Variants in TMEM131 observed in about 807,000 individuals in gnomAD.
TMEM131 encodes the protein transmembrane protein 131.
In TMEM131, 66 loss-of-function variants were observed where a neutral mutation model predicts 211.6. That is an observed-to-expected ratio of 0.31 (90% CI 0.26 to 0.38). The LOEUF is 0.38. TMEM131 is among the 10% of genes least tolerant of loss of function. The pLI, the probability that TMEM131 is intolerant of heterozygous loss-of-function variation, is 1.00. For synonymous variants in TMEM131, 844 were observed against 841.3 expected, an observed-to-expected ratio of 1.00 and a Z score of -0.06; for missense variants, 2,036 against 2,299.3, an observed-to-expected ratio of 0.89 and a Z score of 2.34.
intron 11 of TMEM131, among the ~76,000 whole-genome samples, chr2:97,831,107 A>G (rs1198064662): frequency 6.6e-6 from 1 of 152,238 alleles, no homozygotes; most frequent in Non-Finnish European, 1.5e-5. Flanking sequence ...CTAAGCCACC[A>G]TCATTTCTCA....
intron 31 of TMEM131, among the ~76,000 whole-genome samples, chr2:97,784,049 G>A (rs1451933603): frequency 6.6e-6 from 1 of 151,618 alleles, no homozygotes; most frequent in African/African-American, 2.4e-5. Flanking sequence ...AGAAGTTACA[G>A]CAATGTTAAA....
rs553994582 is a variant in TMEM131 at position 97,824,360 on chromosome 2, T to C, written c.1075-5639A>G. Among the ~76,000 whole-genome samples, 4 of 152,298 alleles carry C rather than the reference T, an allele frequency of 2.6e-5. No homozygotes were observed. The South Asian group carries it at 8.3e-4, about 32-fold the overall frequency. ...ACCATTGAAGGCCAGGAAATTGACT[T>C]CCACCTGGACACTGGTGCAGCCTTC... is the stretch of plus-strand genomic sequence containing the variant. On this transcript the variant is annotated intron_variant, in intron 11 of 40. Coordinates refer to ENST00000186436, the MANE Select transcript of TMEM131 (RefSeq NM_015348.2).
At chr2:97,789,711 G>A (rs1418698215) in intron 31 of TMEM131, among the ~76,000 whole-genome samples, 1 of 152,220 alleles carries the variant, frequency 6.6e-6, no homozygotes, top group Non-Finnish European at 1.5e-5. Flanking sequence ...AACTGTGCCA[G>A]GCTCACGGCT....
At chr2:97,926,243 C>T (rs1249156722) in intron 2 of TMEM131, among the ~76,000 whole-genome samples, 1 of 152,136 alleles carries the variant, frequency 6.6e-6, no homozygotes, top group Non-Finnish European at 1.5e-5. Flanking sequence ...TTGACACTCT[C>T]CCTGCTTTAG....
intron 15 of TMEM131, among the ~76,000 whole-genome samples, chr2:97,813,392 A>G (rs1001668271): frequency 2.0e-5 from 3 of 152,082 alleles, no homozygotes; most frequent in African/African-American, 7.2e-5. Flanking sequence ...CTTTCCTAAC[A>G]GTTTTCTCTC....
In TMEM131 at chr2:97,895,601, G is replaced by GTGTA. The variant is rs1314273320; in HGVS notation, c.291-7485_291-7482dup. 6.6e-5 allele frequency among the ~76,000 whole-genome samples: 10 copies of GTGTA among 152,230 alleles called. 1 individual carries two copies. The highest frequency in any genetic ancestry group is 3.4e-3 in the Middle Eastern group (1 of 294). On this transcript the variant is annotated intron_variant, in intron 3 of 40. Transcript: ENST00000186436. ...TCCTTCCTGATTTAGACTTAGGAGG[G>GTGTA]TGTATGTGTCCAAGAATTTATCCAT...
Position 97,808,731 on chromosome 2 carries a change from G to A in TMEM131, c.2055+957C>T, listed in dbSNP as rs571419597. Among the ~76,000 whole-genome samples the A allele has an allele frequency of 2.0e-5, 3 of 152,254 alleles. No individual in the cohort carries two copies. In the Middle Eastern group the frequency reaches 0.01, roughly 518 times the overall value. On this transcript the variant is annotated intron_variant, in intron 19 of 40. Coordinates refer to ENST00000186436, the MANE Select transcript of TMEM131 (RefSeq NM_015348.2). Reference sequence around the variant, plus strand: ...CTCACTGGGGAGGCCAACTTATAAGGAAATATTTATAGCACAATACGAGGC... The same window carrying A: ...CTCACTGGGGAGGCCAACTTATAAGAAAATATTTATAGCACAATACGAGGC...
intron 1 of TMEM131, among the ~76,000 whole-genome samples, chr2:97,976,813 C>T (rs1245287114): frequency 6.6e-6 from 1 of 151,930 alleles, no homozygotes; most frequent in Non-Finnish European, 1.5e-5. Flanking sequence ...ATTAACAGAA[C>T]AAAAGAGAGA....
intron 3 of TMEM131, among the ~76,000 whole-genome samples, chr2:97,899,428 C>G (rs533794674): frequency 1.4e-4 from 21 of 152,128 alleles, no homozygotes; most frequent in African/African-American, 4.6e-4. Flanking sequence ...ATGGGTAGAA[C>G]AGTTATGAAG....
intron 33 of TMEM131, among the ~76,000 whole-genome samples, chr2:97,768,756 A>G (rs1679313242): frequency 6.6e-6 from 1 of 151,778 alleles, no homozygotes. Context: ...ATGCTTGGTT[A>G]ATTTTTGTAT....
At chr2:97,847,084 G>A (rs1432421165) in intron 5 of TMEM131, among the ~76,000 whole-genome samples, 3 of 98,784 alleles carry the variant, frequency 3.0e-5, no homozygotes, top group Non-Finnish European at 7.3e-5. Flanking sequence ...GGGGGGGGGG[G>A]GGGCCGAGGC....
At chr2:97,811,280 T>A in intron 17 of TMEM131, 48 bp from the exon 18 acceptor site, 1 of 1,446,826 alleles carries the variant, frequency 6.9e-7, no homozygotes, top group Non-Finnish European at 9.7e-7. Context: ...TTAGTTGAAG[T>A]TTCCTATTAA....
intron 22 of TMEM131, 48 bp downstream of exon 22, chr2:97,805,040 T>C (rs368323876): frequency 2.4e-6 from 3 of 1,265,394 alleles, no homozygotes; most frequent in Non-Finnish European, 3.3e-6. Flanking sequence ...TATGTTTCAA[T>C]AGTCATCTTG....
At chr2:97,907,698 T>C (rs1213521447) in intron 3 of TMEM131, among the ~76,000 whole-genome samples, 1 of 152,178 alleles carries the variant, frequency 6.6e-6, no homozygotes, top group African/African-American at 2.4e-5. Flanking sequence ...GGAATAAATA[T>C]ACTGACAGAA....
chr2:97,912,617 A>G (rs1373726078), intron 2 of TMEM131, among the ~76,000 whole-genome samples: 2 of 152,234 alleles, frequency 1.3e-5, no homozygotes, highest in Non-Finnish European at 2.9e-5. Context: ...CAGACAAGAT[A>G]TAACAGGGGT....
At chr2:97,957,029 G>A (rs978689853) in intron 1 of TMEM131, among the ~76,000 whole-genome samples, 3 of 151,754 alleles carry the variant, frequency 2.0e-5, no homozygotes, top group Non-Finnish European at 4.4e-5. Context: ...CCCGGGAGGC[G>A]GAGGTTGCAG....
chr2:97,781,914 C>G (rs77154373), intron 31 of TMEM131, among the ~76,000 whole-genome samples: 1 of 152,234 alleles, frequency 6.6e-6, no homozygotes, highest in Non-Finnish European at 1.5e-5. Context: ...TCCAGGCCAA[C>G]ACCACGGTAA....
intron 22 of TMEM131, among the ~76,000 whole-genome samples, chr2:97,803,898 AG>A (rs1244635333): frequency 2.6e-5 from 4 of 152,236 alleles, no homozygotes; most frequent in African/African-American, 9.6e-5. Context: ...GTGGAAATAC[AG>A]GGTACAAAGG....
At chr2:97,771,010 T>C (rs986538962) in intron 33 of TMEM131, among the ~76,000 whole-genome samples, 3 of 152,200 alleles carry the variant, frequency 2.0e-5, no homozygotes, top group Non-Finnish European at 4.4e-5. Context: ...TGCCAGGATA[T>C]TGGTGTCTCA....
Sources: allele counts gnomAD v4.1 joint callset (sites outside exome capture counted in the v4.1 genomes callset), GRCh38; gene constraint gnomAD v4.1.1; transcripts MANE v1.5; gene names NCBI Gene and HGNC (gene_info 2026-07-23, HGNC 2026-07-21).